Variants in SLC35F1 observed in about 807,000 individuals in gnomAD.
The protein encoded by SLC35F1 is chromosome 6 open reading frame 169.
SLC35F1 carries 14 observed loss-of-function variants against 48.7 expected under a neutral mutation model. The observed-to-expected ratio is 0.29, with a 90% CI of 0.19 to 0.45. SLC35F1 has a LOEUF of 0.45. Ranked by LOEUF, SLC35F1 falls within the 20% of genes least tolerant of loss-of-function variation. SLC35F1 has a pLI of 1.00. For missense variants in SLC35F1, 404 were observed against 500.0 expected (o/e 0.81, Z 1.83); for synonymous variants, 190 against 202.2 (o/e 0.94, Z 0.51).
intron 1 of SLC35F1, among the ~76,000 whole-genome samples, chr6:117,982,480 T>C (rs561487202): frequency 6.6e-6 from 1 of 152,242 alleles, no homozygotes; most frequent in Admixed American, 6.5e-5. Flanking sequence ...TAAAATGTTA[T>C]GGAAGTACAA....
chr6:118,292,128 T>TAATG (rs1554245387), intron 7 of SLC35F1, among the ~76,000 whole-genome samples: 5 of 151,678 alleles, frequency 3.3e-5, no homozygotes, highest in African/African-American at 9.7e-5. Flanking sequence ...AAAAACTAAA[T>TAATG]AATAAATAAA....
chr6:117,933,496 C>A (rs1776126788), intron 1 of SLC35F1, among the ~76,000 whole-genome samples: 1 of 152,050 alleles, frequency 6.6e-6, no homozygotes. Context: ...AATCACCTCC[C>A]AAAAAGAATA....
At chr6:117,908,986 A>T (rs2114791688) in intron 1 of SLC35F1, among the ~76,000 whole-genome samples, 1 of 152,320 alleles carries the variant, frequency 6.6e-6, no homozygotes, top group African/African-American at 2.4e-5. Flanking sequence ...CAGAAATAGA[A>T]TCTTGAGAAA....
intron 1 of SLC35F1, among the ~76,000 whole-genome samples, chr6:118,069,262 C>T (rs112106102): frequency 1.2e-4 from 18 of 152,276 alleles, no homozygotes; most frequent in African/African-American, 4.3e-4. Context: ...ATTTCCTCAT[C>T]ATATGAAGGT....
intron 7 of SLC35F1, among the ~76,000 whole-genome samples, chr6:118,292,540 T>C (rs1369407727): frequency 6.6e-6 from 1 of 152,224 alleles, no homozygotes; most frequent in Non-Finnish European, 1.5e-5. Context: ...TTCTTTAACT[T>C]AATGATGATG....
Position 118,305,048 on chromosome 6 carries a change from A to G in SLC35F1, c.1003-8980A>G, listed in dbSNP as rs373037148. On this transcript the variant is annotated intron_variant, in intron 7 of 7. Transcript: ENST00000360388. ...TAGCAGAGAAACAGAATCAACAGGA[A>G]TGTGTGTGTGTGTGTGTGTGTGTGT... Among the ~76,000 whole-genome samples the G allele has an allele frequency of 2.8e-3, 221 of 80,188 alleles. 3 individuals are homozygous for G. The highest frequency in any genetic ancestry group is 7.4e-3 in the Admixed American group (63 of 8,552). 52.6% of individuals were successfully genotyped at this position (80,188 alleles called of 152,430 possible). A position where few individuals can be genotyped will look rare whatever the true frequency, so the allele number is the denominator to read the frequency against.
At chr6:118,025,140 C>T (rs998642033) in intron 1 of SLC35F1, among the ~76,000 whole-genome samples, 2 of 152,112 alleles carry the variant, frequency 1.3e-5, no homozygotes, top group Non-Finnish European at 2.9e-5. Context: ...CTCCCTTTTT[C>T]TGTTTCAGAG....
intron 3 of SLC35F1, among the ~76,000 whole-genome samples, chr6:118,243,506 C>T (rs552669405): frequency 1.3e-5 from 2 of 152,154 alleles, no homozygotes; most frequent in Admixed American, 1.3e-4. Context: ...AGACCTGAGC[C>T]CTGCTATGAG....
intron 1 of SLC35F1, among the ~76,000 whole-genome samples, chr6:118,083,825 G>A (rs1327626583): frequency 6.6e-6 from 1 of 152,140 alleles, no homozygotes; most frequent in African/African-American, 2.4e-5. Flanking sequence ...TTCAAATTAT[G>A]AAAGACTTTT....
chr6:117,989,707 T>C (rs1056792702), intron 1 of SLC35F1, among the ~76,000 whole-genome samples: 2 of 152,178 alleles, frequency 1.3e-5, no homozygotes, highest in Non-Finnish European at 2.9e-5. Context: ...ATTTAATTCA[T>C]TTTTTCAGTG....
At chr6:118,156,646 A>G (rs1774147310) in intron 2 of SLC35F1, among the ~76,000 whole-genome samples, 1 of 139,186 alleles carries the variant, frequency 7.2e-6, no homozygotes. Context: ...GTGCACATGT[A>G]CCCTAGAACT....
intron 1 of SLC35F1, among the ~76,000 whole-genome samples, chr6:118,044,102 G>A (rs1266724525): frequency 6.6e-6 from 1 of 152,208 alleles, no homozygotes; most frequent in African/African-American, 2.4e-5. Context: ...TGGGATGGAG[G>A]GTGGGGAGAA....
At chr6:117,968,599 A>G (rs926542074) in intron 1 of SLC35F1, among the ~76,000 whole-genome samples, 1 of 152,214 alleles carries the variant, frequency 6.6e-6, no homozygotes. Context: ...ATTTTTATAC[A>G]TCCAGTGAGA....
At chr6:118,062,949 C>T (rs552995559) in intron 1 of SLC35F1, among the ~76,000 whole-genome samples, 1 of 152,072 alleles carries the variant, frequency 6.6e-6, no homozygotes, top group African/African-American at 2.4e-5. Flanking sequence ...CTTATAAAGG[C>T]ATTTTATTTA....
intron 1 of SLC35F1, among the ~76,000 whole-genome samples, chr6:118,081,505 T>C (rs1158916951): frequency 6.6e-6 from 1 of 151,970 alleles, no homozygotes; most frequent in Non-Finnish European, 1.5e-5. Context: ...CATGGTGGCA[T>C]GCACCTGTAG....
intron 2 of SLC35F1, among the ~76,000 whole-genome samples, chr6:118,196,751 A>G (rs1345285500): frequency 6.6e-6 from 1 of 152,116 alleles, no homozygotes; most frequent in Non-Finnish European, 1.5e-5. Context: ...AAATAAATAA[A>G]TAAATCATTG....
intron 1 of SLC35F1, among the ~76,000 whole-genome samples, chr6:117,982,935 A>G (rs1304316085): frequency 6.6e-6 from 1 of 152,148 alleles, no homozygotes; most frequent in Non-Finnish European, 1.5e-5. Context: ...ACTCTCTACA[A>G]ATACATTTAT....
At chr6:118,230,878 T>C (rs1775284128) in intron 2 of SLC35F1, among the ~76,000 whole-genome samples, 1 of 152,090 alleles carries the variant, frequency 6.6e-6, no homozygotes. Flanking sequence ...GGAGGATCAC[T>C]TGAGCCCAGG....
intron 1 of SLC35F1, among the ~76,000 whole-genome samples, chr6:117,980,571 A>G (rs1776764091): frequency 6.6e-6 from 1 of 152,192 alleles, no homozygotes. Flanking sequence ...TCAGACAATT[A>G]TTAGTACCCT....
Sources: gnomAD v4.1 joint callset for allele counts (sites outside exome capture counted in the v4.1 genomes callset) on GRCh38, gnomAD v4.1.1 for gene constraint, MANE v1.5 for transcripts, NCBI Gene and HGNC (gene_info 2026-07-23, HGNC 2026-07-21) for gene names.